Variants in SIN3A observed in about 807,000 individuals in gnomAD.
The protein encoded by SIN3A is SIN3 transcription regulator family member A.
SIN3A carries 14 observed loss-of-function variants against 146.1 expected under a neutral mutation model. The ratio of observed to expected loss-of-function variants is 0.10; its 90% CI spans 0.06 to 0.15. SIN3A has a LOEUF of 0.15. Ranked by LOEUF, SIN3A falls within the 10% of genes least tolerant of loss-of-function variation. The pLI is 1.00. For synonymous variants in SIN3A, 572 were observed against 572.0 expected (o/e 1.00, Z 0.00); for missense variants, 1,028 against 1,576.0 (o/e 0.65, Z 5.89).
chr15:75,448,328 C>A (rs1382323627), intron 1 of SIN3A, among the ~76,000 whole-genome samples: 2 of 151,976 alleles, frequency 1.3e-5, no homozygotes, highest in Non-Finnish European at 2.9e-5. Context: ...TGAAACCCTG[C>A]CTCTACCAAA....
intron 2 of SIN3A, among the ~76,000 whole-genome samples, chr15:75,426,980 G>A (rs1292556246): frequency 6.6e-6 from 1 of 151,998 alleles, no homozygotes; most frequent in African/African-American, 2.4e-5. Context: ...AGATGAGCTT[G>A]TATATGCATA....
At chr15:75,383,555 G>A (rs1375341602) in intron 17 of SIN3A, among the ~76,000 whole-genome samples, 1 of 149,626 alleles carries the variant, frequency 6.7e-6, no homozygotes, top group Non-Finnish European at 1.5e-5. Flanking sequence ...TTGAGACGGA[G>A]TCTCGCTCTG....
Position 75,424,588 on chromosome 15 carries a change from C to A in SIN3A, c.190-1765G>T, listed in dbSNP as rs567481360. 3.0e-4 allele frequency among the ~76,000 whole-genome samples: 45 copies of A among 152,244 alleles called. 1 individual carries two copies. The highest frequency in any genetic ancestry group is 1.1e-3 in the African/African-American group (44 of 41,546). On this transcript the variant is annotated intron_variant, in intron 2 of 20. Coordinates refer to ENST00000394947, the MANE Select transcript of SIN3A (RefSeq NM_001145358.2). ...TCCCCAGGCTCAGATGATCCTCCCA[C>A]CCCAGCTTCCCGAGTAGCTGGGACT... is the stretch of plus-strand genomic sequence containing the variant.
Position 75,389,481 on chromosome 15 carries a change from A to C in SIN3A, c.3021+171T>G, listed in dbSNP as rs1298666841. On this transcript the variant is annotated intron_variant, in intron 16 of 20. Transcript: ENST00000394947. ...GGGGTAGGCAGGCTCATACACTGCA[A>C]CTTTGTTAACATGAGAAATCAGGCA... Among the ~76,000 whole-genome samples the C allele has an allele frequency of 3.3e-5, 5 of 152,154 alleles. No individual in the cohort carries two copies. In the South Asian group the frequency reaches 8.3e-4, roughly 25 times the overall value.
Position 75,380,282 on chromosome 15 carries a change from C to T in SIN3A, c.3383+347G>A, listed in dbSNP as rs78494798. 1.8e-4 allele frequency among the ~76,000 whole-genome samples: 28 copies of T among 152,324 alleles called. No homozygotes were observed. The East Asian group carries it at 5.2e-3, about 28-fold the overall frequency. On this transcript the variant is annotated intron_variant, in intron 19 of 20. Transcript: ENST00000394947. ...TCCAGCTTTGCCACAGGCACCTTTT[C>T]GCTTTGCTGATTCTGCTTTGCATCT... is the stretch of plus-strand genomic sequence containing the variant.
chr15:75,452,399 T>C (rs963360624), upstream of SIN3A, among the ~76,000 whole-genome samples: 1 of 152,154 alleles, frequency 6.6e-6, no homozygotes, highest in African/African-American at 2.4e-5. Flanking sequence ...ATCCTAGGAT[T>C]TGAAGGAAAG....
Position 75,432,527 on chromosome 15 carries a change from A to T in SIN3A, c.-33-2119T>A, listed in dbSNP as rs954631891. ...CATGGTGAAACCCTGTCTCCAGTAA[A>T]AATACAAAAATTAGCCAGGTGTGAT... On this transcript the variant is annotated intron_variant, in intron 1 of 20. Transcript: ENST00000394947. Among the ~76,000 whole-genome samples the T allele has an allele frequency of 2.0e-5, 3 of 150,966 alleles. No individual in the cohort carries two copies. The South Asian group carries it at 6.3e-4, about 32-fold the overall frequency.
chr15:75,400,436 T>C (rs1567347878), intron 11 of SIN3A, among the ~76,000 whole-genome samples: 1 of 152,072 alleles, frequency 6.6e-6, no homozygotes, highest in African/African-American at 2.4e-5. Flanking sequence ...TTTATTTTTA[T>C]ATTTTTAGCT....
chr15:75,389,645 C>G lies in SIN3A; in HGVS notation c.3021+7G>C, dbSNP rs766694727. ...CTTACTCACCCTAGCCTCCTCCATG[C>G]CCTCACCTGTCTGACAATGCTCTGG... On this transcript the variant is annotated splice_region_variant and intron_variant, in intron 16 of 20. Transcript: ENST00000394947. 4.3e-6 allele frequency: 7 copies of G among 1,613,898 alleles called. No homozygotes were observed. In the Admixed American group the frequency reaches 1.2e-4, roughly 27 times the overall value.
intron 8 of SIN3A, among the ~76,000 whole-genome samples, chr15:75,408,204 T>C (rs1275409375): frequency 1.3e-5 from 2 of 152,044 alleles, no homozygotes; most frequent in Non-Finnish European, 2.9e-5. Context: ...TAATCAAGAG[T>C]GGGCGGACGT....
intron 19 of SIN3A, among the ~76,000 whole-genome samples, chr15:75,377,167 G>A (rs891949174): frequency 6.6e-6 from 1 of 152,096 alleles, no homozygotes; most frequent in Non-Finnish European, 1.5e-5. Context: ...GTACATCACT[G>A]AGCTTTTCAT....
At chr15:75,450,095 T>C (rs948750086) in intron 1 of SIN3A, among the ~76,000 whole-genome samples, 2 of 151,972 alleles carry the variant, frequency 1.3e-5, no homozygotes, top group Admixed American at 6.6e-5. Context: ...ACTAAGTTTA[T>C]ATAGCAGAAC....
At chr15:75,424,740 TG>T (rs1418614151) in intron 2 of SIN3A, among the ~76,000 whole-genome samples, 1 of 152,158 alleles carries the variant, frequency 6.6e-6, no homozygotes, top group Non-Finnish European at 1.5e-5. Context: ...CCCAAAGTGC[TG>T]GGGTTATAGA....
chr15:75,380,849 C>A (rs1245321118), intron 18 of SIN3A, 126 bp from the exon 19 acceptor site: 2 of 677,920 alleles, frequency 3.0e-6, no homozygotes, highest in African/African-American at 1.8e-5. Flanking sequence ...TCAAAAAAGT[C>A]CCTTTCTATA....
At chr15:75,399,357 T>C (rs1380873615) in intron 12 of SIN3A, among the ~76,000 whole-genome samples, 1 of 151,906 alleles carries the variant, frequency 6.6e-6, no homozygotes, top group Non-Finnish European at 1.5e-5. Flanking sequence ...TGAAACTCCG[T>C]CTCTAATAAA....
At chr15:75,399,410 C>G (rs1403548605) in intron 12 of SIN3A, among the ~76,000 whole-genome samples, 1 of 152,080 alleles carries the variant, frequency 6.6e-6, no homozygotes, top group Non-Finnish European at 1.5e-5. Context: ...CGCCTGTAGT[C>G]CCAGCTACTC....
intron 1 of SIN3A, among the ~76,000 whole-genome samples, chr15:75,447,390 T>A (rs2074325487): frequency 6.6e-6 from 1 of 152,194 alleles, no homozygotes; most frequent in Non-Finnish European, 1.5e-5. Flanking sequence ...CAACAATGTC[T>A]CTTAGTTATC....
intron 6 of SIN3A, among the ~76,000 whole-genome samples, chr15:75,410,581 C>T (rs542530192): frequency 1.1e-4 from 17 of 151,944 alleles, no homozygotes; most frequent in East Asian, 3.9e-4. Flanking sequence ...GGATTACAGG[C>T]GTGAGACACC....
chr15:75,398,569 T>C (rs776288758), intron 12 of SIN3A, among the ~76,000 whole-genome samples: 8 of 151,790 alleles, frequency 5.3e-5, no homozygotes, highest in Non-Finnish European at 1.0e-4. Context: ...TCCCAGATAC[T>C]TGGGAGGCTG....
Sources: allele counts gnomAD v4.1 joint callset (sites outside exome capture counted in the v4.1 genomes callset), GRCh38; gene constraint gnomAD v4.1.1; transcripts MANE v1.5; gene names NCBI Gene and HGNC (gene_info 2026-07-23, HGNC 2026-07-21).